Variants in ADAM12 observed in about 807,000 individuals in gnomAD.
ADAM12 encodes ADAM metallopeptidase domain 12.
A neutral mutation model predicts 106.4 loss-of-function variants in ADAM12; 70 were observed. The ratio of observed to expected loss-of-function variants is 0.66; its 90% CI spans 0.54 to 0.80. The LOEUF (loss-of-function observed/expected upper bound fraction) is 0.80, where lower values mean the gene tolerates loss of function less well. Ranked by LOEUF, ADAM12 falls within the 30% of genes least tolerant of loss-of-function variation. The probability of loss-of-function intolerance (pLI) is 0.00; values close to 1 mark genes in which losing one functional copy is unlikely to be tolerated. For synonymous variants in ADAM12, 420 were observed against 433.5 expected (o/e 0.97, Z 0.39); for missense variants, 1,010 against 1,171.9 (o/e 0.86, Z 2.02).
At chr10:126,093,850 T>C (rs1955508404) in intron 11 of ADAM12, 135 bp downstream of exon 11, 4 of 1,376,340 alleles carry the variant, frequency 2.9e-6, no homozygotes, top group African/African-American at 2.9e-5. Flanking sequence ...CCTTGCTTCT[T>C]GGGAAGGAAT....
intron 4 of ADAM12, among the ~76,000 whole-genome samples, chr10:126,144,427 A>G (rs1022186743): frequency 2.6e-5 from 4 of 152,070 alleles, no homozygotes; most frequent in Non-Finnish European, 5.9e-5. Flanking sequence ...TGTAAGCTCT[A>G]TTTTCCACTT....
At chr10:126,326,963 T>A (rs1050397709) in intron 2 of ADAM12, among the ~76,000 whole-genome samples, 9 of 152,020 alleles carry the variant, frequency 5.9e-5, no homozygotes, top group African/African-American at 1.9e-4. Context: ...TGGGAATGAG[T>A]CACTGAACCC....
chr10:126,107,247 C>T (rs1264216087), intron 8 of ADAM12, among the ~76,000 whole-genome samples: 1 of 152,190 alleles, frequency 6.6e-6, no homozygotes, highest in African/African-American at 2.4e-5. Context: ...CAAAGACTCC[C>T]TGGCCCTGGG....
At chr10:126,285,451 T>C (rs940374018) in intron 2 of ADAM12, among the ~76,000 whole-genome samples, 1 of 152,232 alleles carries the variant, frequency 6.6e-6, no homozygotes, top group Non-Finnish European at 1.5e-5. Flanking sequence ...GCATGAACAC[T>C]TGCTTTTGTG....
Position 126,376,448 on chromosome 10 carries a change from T to A in ADAM12, c.88+11610A>T, listed in dbSNP as rs1856296164. Among the ~76,000 whole-genome samples the A allele has an allele frequency of 3.3e-5, 5 of 152,240 alleles. No individual in the cohort carries two copies. In the South Asian group the frequency reaches 1.0e-3, roughly 32 times the overall value. ...AAACACAGGTATTGATTGCAGTCTG[T>A]CTACTTCTGTGTATGTTTAAAAATT... On this transcript the variant is annotated intron_variant, in intron 1 of 22. Coordinates refer to ENST00000448723, the MANE Select transcript of ADAM12 (RefSeq NM_001288973.2).
At chr10:126,038,580 C>CAGTGT (rs1954099827) in intron 19 of ADAM12, among the ~76,000 whole-genome samples, 1 of 152,224 alleles carries the variant, frequency 6.6e-6, no homozygotes, top group African/African-American at 2.4e-5. Context: ...CATAGAAATG[C>CAGTGT]AGTGTAGTGA....
rs150820667 is a variant in ADAM12, at chr10:126,223,980, C to T, written c.260+54935G>A. Among the ~76,000 whole-genome samples the T allele has an allele frequency of 2.1e-4, 32 of 152,308 alleles. No homozygotes were observed. In the East Asian group the frequency reaches 4.6e-3, roughly 22 times the overall value. ...TGCTGGATGACTGACCAGGATAGTA[C>T]GGCCCATAAAACGTGGGACTTGGAT... On this transcript the variant is annotated intron_variant, in intron 3 of 22. Coordinates refer to ENST00000448723, the MANE Select transcript of ADAM12 (RefSeq NM_001288973.2).
chr10:126,344,436 T>C (rs1025988407), intron 1 of ADAM12, among the ~76,000 whole-genome samples: 2 of 152,228 alleles, frequency 1.3e-5, no homozygotes, highest in Non-Finnish European at 1.5e-5. Flanking sequence ...CCTTGTAGTA[T>C]AGTTTGAAGT....
intron 3 of ADAM12, among the ~76,000 whole-genome samples, chr10:126,227,556 A>T (rs1958222082): frequency 6.6e-6 from 1 of 152,092 alleles, no homozygotes; most frequent in Non-Finnish European, 1.5e-5. Flanking sequence ...AGAAACATAA[A>T]TTCTCAGTCC....
At chr10:126,105,001 G>C (rs1273015648) in intron 8 of ADAM12, among the ~76,000 whole-genome samples, 1 of 152,182 alleles carries the variant, frequency 6.6e-6, no homozygotes, top group Non-Finnish European at 1.5e-5. Context: ...GAAGCACCAA[G>C]TCTCCCAGGG....
intron 1 of ADAM12, among the ~76,000 whole-genome samples, chr10:126,371,124 T>C (rs1052480952): frequency 1.3e-5 from 2 of 152,246 alleles, no homozygotes; most frequent in Non-Finnish European, 2.9e-5. Flanking sequence ...CTGAATGTCC[T>C]AGCCTTGGCT....
intron 13 of ADAM12, 128 bp from the exon 14 acceptor site, chr10:126,065,129 T>C (rs1954840874): frequency 6.2e-6 from 6 of 960,576 alleles, no homozygotes; most frequent in Non-Finnish European, 9.0e-6. Context: ...TCAAAGGAAG[T>C]TGCTTCTAAT....
intron 21 of ADAM12, among the ~76,000 whole-genome samples, chr10:126,025,536 T>C (rs902830931): frequency 6.6e-6 from 1 of 152,094 alleles, no homozygotes; most frequent in Admixed American, 6.5e-5. Context: ...AATACCGGAT[T>C]ATGTAGAGAG....
intron 2 of ADAM12, among the ~76,000 whole-genome samples, chr10:126,311,075 C>A (rs1236982690): frequency 7.2e-6 from 1 of 138,976 alleles, no homozygotes; most frequent in Non-Finnish European, 1.6e-5. Flanking sequence ...GGGTCTTCCT[C>A]ATTATACATA....
At chr10:126,202,650 A>C (rs970644119) in intron 3 of ADAM12, among the ~76,000 whole-genome samples, 7 of 152,212 alleles carry the variant, frequency 4.6e-5, no homozygotes, top group African/African-American at 1.7e-4. Context: ...TTGCAGTTGA[A>C]CTCCAAAGCA....
intron 8 of ADAM12, among the ~76,000 whole-genome samples, chr10:126,102,809 C>T (rs1294988992): frequency 6.6e-6 from 1 of 152,208 alleles, no homozygotes; most frequent in African/African-American, 2.4e-5. Context: ...CCCAGGCTTC[C>T]GGGGCGAAAG....
At chr10:126,332,881 CA>C (rs1448057502) in intron 1 of ADAM12, among the ~76,000 whole-genome samples, 6 of 152,142 alleles carry the variant, frequency 3.9e-5, no homozygotes, top group Admixed American at 1.3e-4. Flanking sequence ...TGCAGAGAAA[CA>C]AAGTGAGTTC....
rs1956394504 is a variant in ADAM12 at position 126,135,780 on chromosome 10, C to T, written c.340-120G>A. 6 of 882,032 alleles carry T rather than the reference C, an allele frequency of 6.8e-6. No individual in the cohort carries two copies. The South Asian group carries it at 9.5e-5, about 14-fold the overall frequency. 54.6% of individuals were successfully genotyped at this position (882,032 alleles called of 1,614,324 possible). ...TTCCATTGCATAAAATATTGTTCTA[C>T]AGTCTTAATATTTAATGCAAAGCCC... is the stretch of plus-strand genomic sequence containing the variant. On this transcript the variant is annotated intron_variant, in intron 4 of 22. Transcript: ENST00000448723.
intron 5 of ADAM12, among the ~76,000 whole-genome samples, chr10:126,133,652 CTGGGGGGGAGGCCAAAGGACAT>C (rs1554973865): frequency 6.6e-6 from 1 of 152,140 alleles, no homozygotes; most frequent in Non-Finnish European, 1.5e-5. Flanking sequence ...GCACCCATCA[CTGGGGGGGAGGCCAAAGGACAT>C]CTGATCACCT....
Sources: allele counts gnomAD v4.1 joint callset (sites outside exome capture counted in the v4.1 genomes callset), GRCh38; gene constraint gnomAD v4.1.1; transcripts MANE v1.5; gene names NCBI Gene and HGNC (gene_info 2026-07-23, HGNC 2026-07-21).